BMP1: variants seen among roughly 807,000 people sequenced by gnomAD.
BMP1 encodes mammalian tolloid protein.
A neutral mutation model predicts 116.8 loss-of-function variants in BMP1; 63 were observed. That is an observed-to-expected ratio of 0.54 (90% CI 0.44 to 0.67). The LOEUF (loss-of-function observed/expected upper bound fraction) is 0.67, where lower values mean the gene tolerates loss of function less well. Among genes scored for constraint, BMP1 ranks in the 30% least tolerant of loss-of-function variants. The pLI is 0.00. For synonymous variants in BMP1, 536 were observed against 533.4 expected, an observed-to-expected ratio of 1.00 and a Z score of -0.07; for missense variants, 1,183 against 1,358.9, an observed-to-expected ratio of 0.87 and a Z score of 2.04.
In BMP1 at chr8:22,206,966, G is replaced by T. The variant is rs375591647; in HGVS notation, c.2346G>T (p.Gly782=). ...ECTWAISSTP[G]HRVKLTFMEM... ...CGTGGGCCATCTCCAGCACCCCCGG[G>T]CACCGGGTCAAGCTGGTAAGGGGTC... The change falls in exon 17 of 20, where the codon GGG becomes GGT. Residue 782 remains glycine, a synonymous_variant. Transcript: ENST00000306385. The T allele has an allele frequency of 2.5e-6, 4 of 1,614,024 alleles. No homozygotes were observed. In the African/African-American group the frequency reaches 5.3e-5, roughly 22 times the overall value.
Position 22,194,846 on chromosome 8 carries a change from C to T in BMP1, c.1566C>T (p.Ser522=), listed in dbSNP as rs751978572. The part of the protein sequence containing the change: ...YEKPDDIKST[S]SRLWLKFVSD... ...AGCCTGATGACATCAAGAGCACGTCCAGCCGCCTCTGGCTCAAGTTCGTCT... is the reference window on the plus strand; with the variant it reads ...AGCCTGATGACATCAAGAGCACGTCTAGCCGCCTCTGGCTCAAGTTCGTCT... The change falls in exon 12 of 20, where the codon TCC becomes TCT. Residue 522 remains serine (S), a synonymous_variant. Transcript: ENST00000306385. The surrounding 1 kb of genome is among the most constrained non-coding windows in gnomAD (Gnocchi z 4.5). The T allele has an allele frequency of 3.7e-6, 6 of 1,614,030 alleles. No homozygotes were observed. In the African/African-American group the frequency reaches 8.0e-5, roughly 22 times the overall value.
chr8:22,184,169 C>T (rs1235425602), intron 8 of BMP1, among the ~76,000 whole-genome samples: 5 of 152,254 alleles, frequency 3.3e-5, no homozygotes, highest in Admixed American at 6.5e-5. Flanking sequence ...ATGCACAAGA[C>T]GGTCCCTGGC....
chr8:22,192,019 C>G (rs1245107653), intron 8 of BMP1, 30 bp from the exon 9 acceptor site: 1 of 1,580,494 alleles, frequency 6.3e-7, no homozygotes, highest in Admixed American at 1.7e-5. Context: ...TTCGGGACAG[C>G]TTAACCCTCT....
At chr8:22,185,411 G>A (rs1373351401) in intron 8 of BMP1, among the ~76,000 whole-genome samples, 1 of 151,662 alleles carries the variant, frequency 6.6e-6, no homozygotes, top group African/African-American at 2.4e-5. Flanking sequence ...AGCCAAGATC[G>A]TGCCACTGCA....
chr8:22,202,548 C>G (rs1396439359), intron 16 of BMP1, among the ~76,000 whole-genome samples: 1 of 152,244 alleles, frequency 6.6e-6, no homozygotes, highest in Non-Finnish European at 1.5e-5. Flanking sequence ...GCCCTGCACA[C>G]ATTTAAAAAT....
At chr8:22,196,041 T>G (rs1829074846) in intron 13 of BMP1, 22 of 371,978 alleles carry the variant, frequency 5.9e-5, no homozygotes, top group South Asian at 4.4e-4. Context: ...CATGTCACAT[T>G]GCAACCCCGA....
chr8:22,177,335 C>T (rs1385940704), intron 5 of BMP1, among the ~76,000 whole-genome samples, 196 bp downstream of exon 5: 1 of 152,212 alleles, frequency 6.6e-6, no homozygotes, highest in Admixed American at 6.5e-5. Flanking sequence ...GGACCCGCAT[C>T]CATTGTGGAG....
chr8:22,176,279 G>T lies in BMP1; in HGVS notation c.399G>T (p.Gly133=). 1.2e-6 allele frequency: 2 copies of T among 1,608,898 alleles called. No individual in the cohort carries two copies. Among genetic ancestry groups the T allele is most frequent in the Non-Finnish European group, 1.7e-6 (2 of 1,177,096 alleles). The change falls in exon 3 of 20, where the codon GGG becomes GGT. Residue 133 remains glycine, a synonymous_variant. Coordinates refer to ENST00000306385, the MANE Select transcript of BMP1 (RefSeq NM_006129.5). The stretch of plus-strand genomic sequence containing the variant: ...GACCAGAGCGTGTGTGGCCCGATGG[G>T]GTCATCCCCTTTGTCATTGGGGGAA... ...TSRPERVWPD[G]VIPFVIGGNF...
chr8:22,207,222 G>A (rs1391756761), intron 17 of BMP1, 81 bp from the exon 18 acceptor site: 15 of 1,482,272 alleles, frequency 1.0e-5, no homozygotes, highest in Admixed American at 1.8e-5. Context: ...TATCTGTGAG[G>A]CCTAGGTTTG....
chr8:22,185,956 C>T (rs1828758894), intron 8 of BMP1, among the ~76,000 whole-genome samples: 1 of 151,924 alleles, frequency 6.6e-6, no homozygotes, highest in Non-Finnish European at 1.5e-5. Context: ...CTGCCTCAGC[C>T]TCCCCAGTAG....
chr8:22,183,827 C>T (rs749338126), intron 8 of BMP1, among the ~76,000 whole-genome samples: 34 of 152,262 alleles, frequency 2.2e-4, no homozygotes, highest in African/African-American at 7.2e-4. Flanking sequence ...TCGCCTGCCT[C>T]GGCCTCCCAG....
At chr8:22,202,892 C>T (rs1829291906) in intron 16 of BMP1, among the ~76,000 whole-genome samples, 1 of 152,036 alleles carries the variant, frequency 6.6e-6, no homozygotes, top group African/African-American at 2.4e-5. Context: ...TGCCTATAGT[C>T]CCAGCTACCC....
chr8:22,168,757 C>T (rs1828191033), intron 1 of BMP1, among the ~76,000 whole-genome samples: 1 of 152,190 alleles, frequency 6.6e-6, no homozygotes, highest in Non-Finnish European at 1.5e-5. Context: ...CACCCAGGCC[C>T]CTGCCCCTGA....
intron 16 of BMP1, among the ~76,000 whole-genome samples, chr8:22,203,025 A>G (rs1169886982): frequency 6.6e-6 from 1 of 152,118 alleles, no homozygotes; most frequent in Non-Finnish European, 1.5e-5. Flanking sequence ...ATATAAATAA[A>G]TAAATAAAGC....
chr8:22,166,471 G>A (rs1828115288), intron 1 of BMP1, among the ~76,000 whole-genome samples: 1 of 152,252 alleles, frequency 6.6e-6, no homozygotes, highest in South Asian at 2.1e-4. Context: ...CAGATGGCCA[G>A]GCACTCGGGC....
At chr8:22,192,815 G>A (rs78544833) in intron 9 of BMP1, among the ~76,000 whole-genome samples, 2,783 of 152,246 alleles carry the variant, frequency 0.018, 89 homozygotes, top group African/African-American at 0.063. Context: ...CAGCAAGCCC[G>A]AGGAGCCGTG....
At chr8:22,193,190 T>C (rs75076531) in intron 9 of BMP1, among the ~76,000 whole-genome samples, 1,600 of 152,336 alleles carry the variant, frequency 0.011, 32 homozygotes, top group African/African-American at 0.035. Flanking sequence ...GCCGACCTCA[T>C]TCACTTATGT....
chr8:22,194,988 T>C lies in BMP1; in HGVS notation c.1639+69T>C. On this transcript the variant is annotated intron_variant, in intron 12 of 19. Coordinates refer to ENST00000306385, the MANE Select transcript of BMP1 (RefSeq NM_006129.5). The surrounding 1 kb of genome is among the most constrained non-coding windows in gnomAD (Gnocchi z 4.5). Reference sequence around the variant, plus strand: ...CCTTCATCCCTTCTTCACTCACTCATTCAACACGGAGACTCCAGGAGGCAT... The same window carrying C: ...CCTTCATCCCTTCTTCACTCACTCACTCAACACGGAGACTCCAGGAGGCAT... The C allele has an allele frequency of 6.8e-7, 1 of 1,473,464 alleles. No individual in the cohort carries two copies. The highest frequency in any genetic ancestry group is 2.3e-5 in the East Asian group (1 of 44,046). 91.3% of individuals were successfully genotyped at this position (1,473,464 alleles called of 1,614,324 possible). A position where few individuals can be genotyped will look rare whatever the true frequency, so the allele number is the denominator to read the frequency against.
rs75780053 is a variant in BMP1, at chr8:22,193,128, A to T, written c.1181-930A>T. ...GTTGGGAAACACCGGCCTTATTAGG[A>T]ACACACAACTCATTCCTAGTTGATT... On this transcript the variant is annotated intron_variant, in intron 9 of 19. Transcript: ENST00000306385. 6.4e-3 allele frequency among the ~76,000 whole-genome samples: 975 copies of T among 152,276 alleles called. 36 individuals are homozygous for T. The highest frequency in any genetic ancestry group is 0.052 in the Admixed American group (788 of 15,300).
Sources: gnomAD v4.1 joint callset for allele counts (sites outside exome capture counted in the v4.1 genomes callset) on GRCh38, gnomAD v4.1.1 for gene constraint, Gnocchi (gnomAD v3.1) non-coding constraint, MANE v1.5 for transcripts, NCBI Gene and HGNC (gene_info 2026-07-23, HGNC 2026-07-21) for gene names.